Variants in ATP8A2 observed in about 807,000 individuals in gnomAD.
ATP8A2 encodes the protein phospholipid-transporting ATPase IB.
A neutral mutation model predicts 165.6 loss-of-function variants in ATP8A2; 100 were observed. The observed-to-expected ratio is 0.60, with a 90% confidence interval of 0.51 to 0.71. The LOEUF (loss-of-function observed/expected upper bound fraction) is 0.71. ATP8A2 is among the 30% of genes least tolerant of loss of function. The probability of loss-of-function intolerance (pLI) is 0.00; values close to 1 mark genes in which losing one functional copy is unlikely to be tolerated. For synonymous variants in ATP8A2, 543 were observed against 548.8 expected, an observed-to-expected ratio of 0.99 and a Z score of 0.15; for missense variants, 1,227 against 1,479.5, an observed-to-expected ratio of 0.83 and a Z score of 2.80.
chr13:25,900,696 G>T (rs936651752), intron 33 of ATP8A2, among the ~76,000 whole-genome samples: 3 of 152,282 alleles, frequency 2.0e-5, no homozygotes, highest in South Asian at 2.1e-4. Context: ...TGGCCAAGAG[G>T]GGGTCTGTTC....
intron 27 of ATP8A2, among the ~76,000 whole-genome samples, chr13:25,793,788 A>T (rs1950438073): frequency 6.6e-6 from 1 of 152,124 alleles, no homozygotes; most frequent in Admixed American, 6.6e-5. Context: ...CACTGGTATG[A>T]GCTTATGTTG....
chr13:25,444,758 G>T (rs2035026113), intron 1 of ATP8A2, among the ~76,000 whole-genome samples: 1 of 151,806 alleles, frequency 6.6e-6, no homozygotes, highest in Non-Finnish European at 1.5e-5. Context: ...CAATTCTCCT[G>T]TCTCAGCCTC....
At chr13:25,886,676 A>G (rs1183846663) in intron 33 of ATP8A2, among the ~76,000 whole-genome samples, 1 of 152,200 alleles carries the variant, frequency 6.6e-6, no homozygotes, top group Non-Finnish European at 1.5e-5. Flanking sequence ...AATCTCTTCC[A>G]AGTGGCAGCC....
rs1957095181 is a variant in ATP8A2, at chr13:26,022,492, AAAC to A, written c.*2510_*2512del. On this transcript the variant is annotated 3_prime_UTR_variant, in exon 37 of 37. Transcript: ENST00000381655. Reference sequence around the variant, plus strand: ...TTCCTATTCTCTTGAGAAGTAGACTAAACAATATTTGCAGTGATGACAGACGCA... The same window carrying A: ...TTCCTATTCTCTTGAGAAGTAGACTAAATATTTGCAGTGATGACAGACGCA... 6.6e-6 allele frequency: 1 copy of A among 152,236 alleles called. No homozygotes were observed. The highest frequency in any genetic ancestry group is 1.5e-5 in the Non-Finnish European group (1 of 68,052). 9.4% of individuals were successfully genotyped at this position (152,236 alleles called of 1,614,324 possible).
intron 24 of ATP8A2, among the ~76,000 whole-genome samples, chr13:25,610,542 G>C (rs2040656792): frequency 6.6e-6 from 1 of 152,090 alleles, no homozygotes; most frequent in East Asian, 1.9e-4. Context: ...TTGAAGTCAG[G>C]TAATGTGATG....
At chr13:25,629,233 C>CTCTTCAG (rs1306596678) in intron 24 of ATP8A2, among the ~76,000 whole-genome samples, 1 of 152,108 alleles carries the variant, frequency 6.6e-6, no homozygotes, top group African/African-American at 2.4e-5. Context: ...TTGTTGTAAC[C>CTCTTCAG]TCTTCAGTCT....
chr13:25,678,751 C>T (rs2137793942), intron 24 of ATP8A2, among the ~76,000 whole-genome samples: 1 of 152,304 alleles, frequency 6.6e-6, no homozygotes, highest in African/African-American at 2.4e-5. Flanking sequence ...CTGTGCCACT[C>T]ACTTGCTCCG....
chr13:25,534,268 C>T (rs746241484), intron 6 of ATP8A2: 1 of 519,964 alleles, frequency 1.9e-6, no homozygotes, highest in Non-Finnish European at 3.9e-6. Flanking sequence ...AAGTCGTATG[C>T]TGCAAACATT....
chr13:25,480,330 C>T (rs918870034), intron 2 of ATP8A2, among the ~76,000 whole-genome samples: 1 of 151,076 alleles, frequency 6.6e-6, no homozygotes, highest in African/African-American at 2.4e-5. Flanking sequence ...GGGGCGGCTG[C>T]CGGGCGGAGA....
At chr13:25,955,851 A>G (rs892963918) in intron 33 of ATP8A2, among the ~76,000 whole-genome samples, 3 of 152,226 alleles carry the variant, frequency 2.0e-5, no homozygotes, top group African/African-American at 7.2e-5. Flanking sequence ...AATATCCCTG[A>G]TGAACATCAG....
rs1164180125 is a variant in ATP8A2, at chr13:25,372,690, T to G, written c.76+402T>G. On this transcript the variant is annotated intron_variant, in intron 1 of 36. Transcript: ENST00000381655. This position sits in a 1 kb window ranked among gnomAD's most constrained non-coding sequence, Gnocchi z 4.8. ...GGCGCAGAGAAGATGCAGCCTTCCC[T>G]GCCGGCGGCCGGCACCGCTGTGCTG... is the stretch of plus-strand genomic sequence containing the variant. Among the ~76,000 whole-genome samples the G allele has an allele frequency of 6.6e-6, 1 of 152,156 alleles. No individual in the cohort carries two copies. Among genetic ancestry groups the G allele is most frequent in the South Asian group, 2.1e-4 (1 of 4,834 alleles).
chr13:25,981,560 A>G (rs531740666), intron 35 of ATP8A2, among the ~76,000 whole-genome samples: 1 of 152,248 alleles, frequency 6.6e-6, no homozygotes, highest in African/African-American at 2.4e-5. Context: ...TGACAGAAGC[A>G]AGTTAACTTG....
intron 29 of ATP8A2, among the ~76,000 whole-genome samples, chr13:25,837,829 A>G (rs1354119197): frequency 6.6e-6 from 1 of 152,120 alleles, no homozygotes; most frequent in Non-Finnish European, 1.5e-5. Context: ...ATCAGAAAGG[A>G]ACCAAAAAAA....
intron 24 of ATP8A2, among the ~76,000 whole-genome samples, chr13:25,657,378 C>T (rs569422947): frequency 6.6e-6 from 1 of 152,136 alleles, no homozygotes; most frequent in Non-Finnish European, 1.5e-5. Flanking sequence ...GGTCCCTCTC[C>T]GTGAAGCAGG....
intron 24 of ATP8A2, among the ~76,000 whole-genome samples, chr13:25,607,437 A>T (rs1382141828): frequency 6.6e-6 from 1 of 152,216 alleles, no homozygotes; most frequent in Non-Finnish European, 1.5e-5. Flanking sequence ...TTACTTCTGG[A>T]TAAACCCATT....
chr13:25,912,191 CACACAG>C (rs60368828), intron 33 of ATP8A2, among the ~76,000 whole-genome samples: 5,044 of 132,526 alleles, frequency 0.038, 272 homozygotes, highest in African/African-American at 0.14. Context: ...CACACACACA[CACACAG>C]TGGAATAGTC....
At chr13:25,502,338 A>C (rs1408493546) in intron 2 of ATP8A2, among the ~76,000 whole-genome samples, 1 of 152,200 alleles carries the variant, frequency 6.6e-6, no homozygotes, top group Non-Finnish European at 1.5e-5. Context: ...AATTCAGATA[A>C]ATCCTCATTG....
intron 1 of ATP8A2, among the ~76,000 whole-genome samples, chr13:25,386,330 T>C (rs547811375): frequency 1.3e-5 from 2 of 152,196 alleles, no homozygotes; most frequent in African/African-American, 2.4e-5. Flanking sequence ...GGTGCTTCGT[T>C]AAACTTAGAG....
At chr13:25,405,423 C>T (rs2033770061) in intron 1 of ATP8A2, among the ~76,000 whole-genome samples, 1 of 152,160 alleles carries the variant, frequency 6.6e-6, no homozygotes, top group Non-Finnish European at 1.5e-5. Flanking sequence ...AGCCCATCTC[C>T]CTTCATTCAT....
Sources: allele counts gnomAD v4.1 joint callset (sites outside exome capture counted in the v4.1 genomes callset), GRCh38; gene constraint gnomAD v4.1.1; non-coding constraint Gnocchi (gnomAD v3.1); transcripts MANE v1.5; gene names NCBI Gene and HGNC (gene_info 2026-07-23, HGNC 2026-07-21).